The following ATRX variants were observed in gnomAD, a reference collection of about 807,000 sequenced individuals.
The protein encoded by ATRX is ATRX chromatin remodeler, also known as chromatin remodeler ATRX.
Under a neutral mutation model 172.6 loss-of-function variants are expected in ATRX, and 12 were observed. That is an observed-to-expected ratio of 0.07 (90% CI 0.04 to 0.11). The LOEUF is 0.11. Among genes scored for constraint, ATRX ranks in the 10% least tolerant of loss-of-function variants. The pLI is 1.00. For missense variants in ATRX, 1,368 were observed against 1,767.4 expected, an observed-to-expected ratio of 0.77 and a Z score of 4.05; for synonymous variants, 674 against 594.7, an observed-to-expected ratio of 1.13 and a Z score of -1.94.
intron 1 of ATRX, among the ~76,000 whole-genome samples, chrX:77,767,322 T>C (rs1224821076): frequency 9.1e-6 from 1 of 109,465 alleles, no homozygotes; most frequent in African/African-American, 3.3e-5. Context: ...AATGAGAGAA[T>C]TTTACTAGAT....
intron 28 of ATRX, among the ~76,000 whole-genome samples, chrX:77,573,971 A>G (rs782024802): frequency 8.0e-4 from 89 of 111,358 alleles, no homozygotes; most frequent in Non-Finnish European, 1.4e-3. Context: ...CTATAATGGA[A>G]GACTATACAA....
At chrX:77,702,560 T>C (rs1557154470) in intron 2 of ATRX, among the ~76,000 whole-genome samples, 2 of 109,991 alleles carry the variant, frequency 1.8e-5, no homozygotes, top group African/African-American at 3.3e-5. Flanking sequence ...CAATGAATAA[T>C]CTCAAAATGA....
At chrX:77,651,737 TAGTC>T (rs1268096905) in intron 15 of ATRX, among the ~76,000 whole-genome samples, 1 of 110,919 alleles carries the variant, frequency 9.0e-6, no homozygotes, top group Non-Finnish European at 1.9e-5. Context: ...TGCATGCCTG[TAGTC>T]CCGGCCACTT....
At chrX:77,569,341 G>A (rs782345374) in intron 28 of ATRX, among the ~76,000 whole-genome samples, 2 of 110,934 alleles carry the variant, frequency 1.8e-5, no homozygotes, top group African/African-American at 3.3e-5. Context: ...TGAAAATATC[G>A]GAAGCAAAAC....
Position 77,732,816 on chromosome X carries a change from A to T in ATRX, c.21-15573T>A, listed in dbSNP as rs181468090. 2.7e-5 allele frequency among the ~76,000 whole-genome samples: 3 copies of T among 111,896 alleles called. No individual in the cohort carries two copies. The East Asian group carries it at 8.4e-4, about 31-fold the overall frequency. ...ATACAACACACCCACAACTGGTATC[A>T]AACTGAGGGGAAAAACTGAACGCCT... On this transcript the variant is annotated intron_variant, in intron 1 of 34. Coordinates refer to ENST00000373344, the MANE Select transcript of ATRX (RefSeq NM_000489.6).
At chrX:77,735,051 C>G (rs2074479959) in intron 1 of ATRX, among the ~76,000 whole-genome samples, 1 of 110,151 alleles carries the variant, frequency 9.1e-6, no homozygotes, top group Admixed American at 9.7e-5. Context: ...CACATCACAC[C>G]ACTGCACTCC....
At chrX:77,736,335 C>T (rs781873366) in intron 1 of ATRX, among the ~76,000 whole-genome samples, 1 of 112,127 alleles carries the variant, frequency 8.9e-6, no homozygotes, top group African/African-American at 3.2e-5. Context: ...CGATTAATAA[C>T]CAGAATATGT....
chrX:77,764,080 C>T (rs1421330553), intron 1 of ATRX, among the ~76,000 whole-genome samples: 1 of 111,002 alleles, frequency 9.0e-6, no homozygotes, highest in Non-Finnish European at 1.9e-5. Context: ...TGCCACTGTA[C>T]TCTAGCCTGG....
At chrX:77,697,260 G>A (rs1447520631) in intron 4 of ATRX, among the ~76,000 whole-genome samples, 1 of 111,261 alleles carries the variant, frequency 9.0e-6, no homozygotes, top group Non-Finnish European at 1.9e-5. Flanking sequence ...CTGCCTCATA[G>A]GCATTCAACA....
chrX:77,652,418 C>A (rs2148441791), intron 14 of ATRX, 65 bp from the exon 15 acceptor site: 1 of 1,031,785 alleles, frequency 9.7e-7, no homozygotes, highest in East Asian at 3.7e-5. Flanking sequence ...TTTCATATTC[C>A]ATTAATTAAC....
chrX:77,621,438 T>C (rs1314788499), intron 19 of ATRX, among the ~76,000 whole-genome samples: 4 of 110,793 alleles, frequency 3.6e-5, no homozygotes, highest in Non-Finnish European at 7.6e-5. Context: ...GCCTATCGAG[T>C]AGCTGGGATT....
At chrX:77,678,719 C>T (rs1413052783) in intron 9 of ATRX, among the ~76,000 whole-genome samples, 1 of 110,651 alleles carries the variant, frequency 9.0e-6, no homozygotes, top group Non-Finnish European at 1.9e-5. Flanking sequence ...GAACTACTGA[C>T]CTCAGATAAT....
At chrX:77,564,977 T>C (rs1602565205) in intron 28 of ATRX, among the ~76,000 whole-genome samples, 1 of 111,864 alleles carries the variant, frequency 8.9e-6, no homozygotes, top group East Asian at 2.8e-4. Flanking sequence ...CCCAACAGTG[T>C]CAATGAAGAC....
chrX:77,510,382 G>A (rs2062830696), intron 34 of ATRX, among the ~76,000 whole-genome samples: 1 of 110,668 alleles, frequency 9.0e-6, no homozygotes, highest in African/African-American at 3.3e-5. Flanking sequence ...GGACACTATG[G>A]GAAGAGACTC....
At chrX:77,556,543 A>G (rs1557059223) in intron 30 of ATRX, among the ~76,000 whole-genome samples, 1 of 111,062 alleles carries the variant, frequency 9.0e-6, no homozygotes, top group African/African-American at 3.3e-5. Flanking sequence ...GAGATAATGT[A>G]TATGAGACAG....
At chrX:77,607,455 T>C (rs1354829494) in intron 22 of ATRX, among the ~76,000 whole-genome samples, 1 of 111,728 alleles carries the variant, frequency 9.0e-6, no homozygotes, top group Non-Finnish European at 1.9e-5. Context: ...GGCTCATGCC[T>C]GTAATCCCAG....
intron 1 of ATRX, among the ~76,000 whole-genome samples, chrX:77,756,303 T>C (rs782631604): frequency 2.4e-4 from 27 of 110,588 alleles, no homozygotes; most frequent in African/African-American, 8.2e-4. Context: ...TGGGACCCGC[T>C]AAGCAAGACC....
intron 30 of ATRX, among the ~76,000 whole-genome samples, chrX:77,552,223 C>A (rs1281351517): frequency 9.1e-6 from 1 of 110,412 alleles, no homozygotes; most frequent in Non-Finnish European, 1.9e-5. Context: ...AAATGCCCAC[C>A]AATGATAGAC....
At chrX:77,716,217 A>C (rs1373467913) in intron 2 of ATRX, among the ~76,000 whole-genome samples, 1 of 84,056 alleles carries the variant, frequency 1.2e-5, no homozygotes, top group Non-Finnish European at 2.2e-5. Flanking sequence ...AAGATTGCTT[A>C]AGCCCAAGAA....
Sources: allele counts gnomAD v4.1 joint callset (sites outside exome capture counted in the v4.1 genomes callset), GRCh38; gene constraint gnomAD v4.1.1; transcripts MANE v1.5; gene names NCBI Gene and HGNC (gene_info 2026-07-23, HGNC 2026-07-21).